Variants in LINGO2 observed in about 807,000 individuals in gnomAD.
LINGO2 encodes the protein leucine-rich repeat and immunoglobulin-like domain-containing nogo receptor-interacting protein 2.
A neutral mutation model predicts 30.6 loss-of-function variants in LINGO2; 14 were observed. That is an observed-to-expected ratio of 0.46 (90% CI 0.30 to 0.72). The LOEUF (loss-of-function observed/expected upper bound fraction) is 0.72. Among genes scored for constraint, LINGO2 ranks in the 30% least tolerant of loss-of-function variants. LINGO2 has a pLI of 0.07. For missense variants in LINGO2, 729 were observed against 751.7 expected, an observed-to-expected ratio of 0.97 and a Z score of 0.35; for synonymous variants, 317 against 288.5, an observed-to-expected ratio of 1.10 and a Z score of -1.00.
At chr9:28,545,780 T>G (rs1035749763) in intron 1 of LINGO2, among the ~76,000 whole-genome samples, 1 of 152,076 alleles carries the variant, frequency 6.6e-6, no homozygotes, top group Admixed American at 6.6e-5. Flanking sequence ...GTATACTTAC[T>G]GTATATTGTG....
At chr9:28,171,481 G>T (rs1299759550) in intron 4 of LINGO2, among the ~76,000 whole-genome samples, 1 of 152,134 alleles carries the variant, frequency 6.6e-6, no homozygotes, top group African/African-American at 2.4e-5. Flanking sequence ...ACTGGGGAGA[G>T]AAGTTGTTAG....
At chr9:29,055,936 G>GTATATATATATATA in the LINGO2 span, among the ~76,000 whole-genome samples, 9 of 121,852 alleles carry the variant, frequency 7.4e-5, no homozygotes, top group South Asian at 5.2e-4. Context: ...GTGTATGTGT[G>GTATATATATATATA]TGTGTATATA....
chr9:28,549,470 G>A (rs1003944885), intron 1 of LINGO2, among the ~76,000 whole-genome samples: 3 of 151,864 alleles, frequency 2.0e-5, no homozygotes, highest in Non-Finnish European at 4.4e-5. Flanking sequence ...GGTTTACGTA[G>A]GGTTTAAAGT....
the LINGO2 span, among the ~76,000 whole-genome samples, chr9:28,837,857 T>G: frequency 1.3e-5 from 2 of 150,682 alleles, no homozygotes; most frequent in South Asian, 4.2e-4. Context: ...TCATGAGCTT[T>G]TATAAGCCCA....
chr9:28,784,002 A>G, the LINGO2 span, among the ~76,000 whole-genome samples: 438 of 152,234 alleles, frequency 2.9e-3, 3 homozygotes, highest in African/African-American at 0.01. Context: ...TCATAACCTA[A>G]TTATCTTCGA....
the LINGO2 span, among the ~76,000 whole-genome samples, chr9:29,057,642 T>C: frequency 6.6e-6 from 1 of 152,016 alleles, no homozygotes; most frequent in Admixed American, 6.6e-5. Flanking sequence ...AAGAGAAGGG[T>C]GCTGTGCAGA....
chr9:28,593,641 G>T (rs190499313), intron 1 of LINGO2, among the ~76,000 whole-genome samples: 83 of 152,118 alleles, frequency 5.5e-4, no homozygotes, highest in Non-Finnish European at 1.0e-4. Flanking sequence ...AAGCCCCAAA[G>T]AAAATGTATG....
chr9:29,177,937 A>C, the LINGO2 span, among the ~76,000 whole-genome samples: 1 of 152,120 alleles, frequency 6.6e-6, no homozygotes, highest in Admixed American at 6.6e-5. Context: ...GTTTACAAGT[A>C]TTAAACATCT....
intron 1 of LINGO2, among the ~76,000 whole-genome samples, chr9:28,523,673 T>C (rs1820909009): frequency 1.3e-5 from 2 of 152,086 alleles, no homozygotes; most frequent in Non-Finnish European, 2.9e-5. Context: ...AAGAAAATAA[T>C]TTCATTCATA....
chr9:28,087,060 T>C (rs1825935957), intron 4 of LINGO2, among the ~76,000 whole-genome samples: 1 of 152,128 alleles, frequency 6.6e-6, no homozygotes, highest in Non-Finnish European at 1.5e-5. Flanking sequence ...CTCTCTGCTG[T>C]ACCTTTGGAC....
the LINGO2 span, among the ~76,000 whole-genome samples, chr9:29,119,537 A>AATATAG: frequency 6.7e-6 from 1 of 149,492 alleles, no homozygotes; most frequent in Admixed American, 6.7e-5. Flanking sequence ...AATTGCTATA[A>AATATAG]TAAGTTCCCT....
intron 1 of LINGO2, among the ~76,000 whole-genome samples, chr9:28,508,326 C>T (rs964655095): frequency 6.6e-6 from 1 of 152,034 alleles, no homozygotes; most frequent in African/African-American, 2.4e-5. Context: ...ATGTGCTATT[C>T]TATGGGGCTC....
intron 4 of LINGO2, among the ~76,000 whole-genome samples, chr9:28,288,222 C>T (rs1033980378): frequency 6.6e-6 from 1 of 152,126 alleles, no homozygotes; most frequent in Non-Finnish European, 1.5e-5. Context: ...TACATCCAGC[C>T]ACTTCTTGCA....
chr9:28,054,462 A>T (rs1227945103), intron 4 of LINGO2, among the ~76,000 whole-genome samples: 1 of 152,148 alleles, frequency 6.6e-6, no homozygotes, highest in Non-Finnish European at 1.5e-5. Flanking sequence ...ATATATACAC[A>T]CAATTTTATC....
chr9:28,848,200 AG>A, the LINGO2 span, among the ~76,000 whole-genome samples: 2 of 104,698 alleles, frequency 1.9e-5, no homozygotes, highest in African/African-American at 9.5e-5. Flanking sequence ...ACACATATAT[AG>A]TATATATATA....
chr9:28,587,605 G>C (rs954226023), intron 1 of LINGO2, among the ~76,000 whole-genome samples: 3 of 151,900 alleles, frequency 2.0e-5, no homozygotes, highest in Non-Finnish European at 2.9e-5. Context: ...GAATCCTTTG[G>C]TCTCCTCCTG....
the LINGO2 span, among the ~76,000 whole-genome samples, chr9:28,958,495 CT>C: frequency 8.4e-3 from 1,279 of 152,126 alleles, 24 homozygotes; most frequent in African/African-American, 0.029. Flanking sequence ...GGTGCTGACA[CT>C]TTTTTAGAAT....
the LINGO2 span, among the ~76,000 whole-genome samples, chr9:29,072,916 C>G: frequency 1.9e-4 from 28 of 144,006 alleles, no homozygotes; most frequent in South Asian, 2.3e-4. Context: ...GTCTCCAGCT[C>G]TCTAGCGCTC....
the LINGO2 span, among the ~76,000 whole-genome samples, chr9:28,767,613 G>A: frequency 1.3e-5 from 2 of 151,570 alleles, no homozygotes; most frequent in African/African-American, 2.4e-5. Context: ...GTGAAACCCC[G>A]TCTCTACTAA....
Sources: allele counts gnomAD v4.1 joint callset (sites outside exome capture counted in the v4.1 genomes callset), GRCh38; gene constraint gnomAD v4.1.1; transcripts MANE v1.5; gene names NCBI Gene and HGNC (gene_info 2026-07-23, HGNC 2026-07-21).